The following TOP2A variants were observed in gnomAD, a reference collection of about 807,000 sequenced individuals.
TOP2A encodes the protein DNA topoisomerase 2-alpha.
TOP2A carries 68 observed loss-of-function variants against 187.2 expected under a neutral mutation model. That is an observed-to-expected ratio of 0.36 (90% CI 0.30 to 0.44). The LOEUF is 0.44. TOP2A is among the 20% of genes least tolerant of loss of function. TOP2A has a pLI of 1.00. For missense variants in TOP2A, 1,196 were observed against 1,808.7 expected (o/e 0.66, Z 6.14); for synonymous variants, 542 against 593.2 (o/e 0.91, Z 1.25).
rs774367508 is a variant in TOP2A, at chr17:40,407,991, A to G, written c.1476T>C (p.Asn492=). The change falls in exon 12 of 35, where the codon AAT becomes AAC. Residue 492 remains asparagine (N), a synonymous_variant. Transcript: ENST00000423485. ...GVFPLRGKIL[N]VREASHKQIM... ...CCTGCTTATGAGAAGCTTCTCGAACATTGAGTATTTTTCCTCTAAGAGGGA... is the reference window on the plus strand; with the variant it reads ...CCTGCTTATGAGAAGCTTCTCGAACGTTGAGTATTTTTCCTCTAAGAGGGA... 3.7e-6 allele frequency: 6 copies of G among 1,612,784 alleles called. No homozygotes were observed. The African/African-American group carries it at 8.0e-5, about 22-fold the overall frequency.
At chr17:40,402,758 G>C (rs1425248800) in intron 20 of TOP2A, 148 bp downstream of exon 20, 2 of 710,132 alleles carry the variant, frequency 2.8e-6, no homozygotes, top group Non-Finnish European at 4.5e-6. Context: ...TTATGGGGGG[G>C]CTTTCCTGTA....
intron 6 of TOP2A, 73 bp downstream of exon 6, chr17:40,413,122 A>G: frequency 7.5e-7 from 1 of 1,325,922 alleles, no homozygotes; most frequent in African/African-American, 1.5e-5. Context: ...AAATTAAACC[A>G]ATCATTAATG....
In TOP2A at chr17:40,391,325, G is replaced by A. The variant is rs116693561; in HGVS notation, c.4267+181C>T. On this transcript the variant is annotated intron_variant, in intron 33 of 34. Transcript: ENST00000423485. ...GAACAATCAATAGAGATAACTTACT[G>A]TTTTGGAACAGCCTTGACTACTAAT... 1,401 of 598,104 alleles carry A rather than the reference G, an allele frequency of 2.3e-3. 11 individuals are homozygous for A. Among genetic ancestry groups the A allele is most frequent in the African/African-American group, 0.023 (1,206 of 52,604 alleles). The allele number at this position is 598,104 out of a possible 1,614,324, so 37.0% of individuals were successfully genotyped here. A position where few individuals can be genotyped will look rare whatever the true frequency, so the allele number is the denominator to read the frequency against.
chr17:40,395,370 A>G, intron 29 of TOP2A, 79 bp downstream of exon 29: 1 of 824,280 alleles, frequency 1.2e-6, no homozygotes, highest in Non-Finnish European at 1.8e-6. Flanking sequence ...AAGGTTTTGA[A>G]CATCTATGTG....
At chr17:40,413,670 G>T (rs1275759490) in intron 4 of TOP2A, 45 bp from the exon 5 acceptor site, 1 of 942,756 alleles carries the variant, frequency 1.1e-6, no homozygotes. Flanking sequence ...CACATTAAAC[G>T]AATGCTTAAC....
At chr17:40,408,714 AC>A (rs2035278861) in intron 10 of TOP2A, 84 bp from the exon 11 acceptor site, 2 of 1,388,304 alleles carry the variant, frequency 1.4e-6, no homozygotes, top group East Asian at 4.6e-5. Flanking sequence ...GAGCCTTAAT[AC>A]AAATAAAAAT....
chr17:40,395,582 GA>G, intron 28 of TOP2A, 43 bp from the exon 29 acceptor site: 5 of 1,383,064 alleles, frequency 3.6e-6, no homozygotes, highest in African/African-American at 1.4e-5. Context: ...AATAAATTCT[GA>G]ACTATGGGAT....
chr17:40,409,432 C>T (rs1301988262), intron 10 of TOP2A: 3 of 442,230 alleles, frequency 6.8e-6, no homozygotes, highest in Non-Finnish European at 1.4e-5. Context: ...CAAATTGAGA[C>T]ACTTGTCCTC....
At position 40,416,818 on chromosome 17, in the gene TOP2A, G is replaced by A; in HGVS notation, c.99C>T (p.Ile33=). The part of the protein sequence containing the change: ...DAKKRLSVER[I]YQKKTQLEHI... ...GTTCCAATTGTGTTTTCTTTTGATA[G>A]ATTCTTTCAACAGACAGTCTTTTCT... The change falls in exon 2 of 35, where the codon ATC becomes ATT. Residue 33 remains isoleucine (I), a synonymous_variant. Transcript: ENST00000423485. The A allele has an allele frequency of 6.2e-7, 1 of 1,613,074 alleles. No homozygotes were observed. The highest frequency in any genetic ancestry group is 1.1e-5 in the South Asian group (1 of 90,838).
At chr17:40,414,070 T>C (rs1349022608) in intron 4 of TOP2A, among the ~76,000 whole-genome samples, 3 of 152,158 alleles carry the variant, frequency 2.0e-5, no homozygotes, top group African/African-American at 7.2e-5. Flanking sequence ...AAAAAAACCT[T>C]TTCCAACACC....
intron 19 of TOP2A, 95 bp from the exon 20 acceptor site, chr17:40,403,149 T>G: frequency 8.2e-7 from 1 of 1,217,356 alleles, no homozygotes; most frequent in Admixed American, 2.6e-5. Flanking sequence ...TTTTGTGAGG[T>G]CTAGTTGTTT....
In TOP2A at chr17:40,400,876, T is replaced by C; in HGVS notation, c.2638A>G (p.Met880Val). ...ATTGGCAAAGGTTCTTCTCCATCCA[T>C]CAAACGCCTGATGTTATTTACAATT... ...REIVNNIRRL[M>V]DGEEPLPMLP... is the part of the protein sequence containing the mutation. The change falls in exon 21 of 35, where the codon ATG (methionine) becomes GTG (valine). Residue 880 changes from methionine to valine, a missense_variant. Transcript: ENST00000423485. 3.7e-6 allele frequency: 6 copies of C among 1,613,958 alleles called. No individual in the cohort carries two copies. The highest frequency in any genetic ancestry group is 5.1e-6 in the Non-Finnish European group (6 of 1,179,874).
At position 40,400,202 on chromosome 17, in the gene TOP2A, T is replaced by TA. The variant is rs1412619298; in HGVS notation, c.3000+6dup. ...AAACGTGTACATCTCACAAAACAAATACATACCATAGAGTTGCATGTGAGA... is the reference window on the plus strand; with the variant it reads ...AAACGTGTACATCTCACAAAACAAATAACATACCATAGAGTTGCATGTGAGA... On this transcript the variant is annotated splice_region_variant and intron_variant, in intron 23 of 34. Coordinates refer to ENST00000423485, the MANE Select transcript of TOP2A (RefSeq NM_001067.4). 1.2e-6 allele frequency: 2 copies of TA among 1,612,878 alleles called. No individual in the cohort carries two copies. The highest frequency in any genetic ancestry group is 2.2e-5 in the South Asian group (2 of 91,048).
chr17:40,404,335 T>C, intron 18 of TOP2A, 42 bp downstream of exon 18: 1 of 1,607,740 alleles, frequency 6.2e-7, no homozygotes, highest in South Asian at 1.1e-5. Flanking sequence ...GGAATTTGAT[T>C]TCCATCTTAC....
intron 13 of TOP2A, 103 bp downstream of exon 13, chr17:40,407,446 G>A (rs2035263703): frequency 1.1e-6 from 1 of 900,158 alleles, no homozygotes; most frequent in Non-Finnish European, 1.6e-6. Context: ...GATGAATAAA[G>A]CTCCTATTTA....
At chr17:40,397,685 T>C (rs1000128067) in intron 27 of TOP2A, among the ~76,000 whole-genome samples, 4 of 152,146 alleles carry the variant, frequency 2.6e-5, no homozygotes, top group Admixed American at 1.3e-4. Flanking sequence ...CTTCCCTTTA[T>C]CAAAAATCAA....
rs1170823026 is a variant in TOP2A at position 40,390,164 on chromosome 17, C to T, written c.4268G>A (p.Ser1423Asn). ...ACCGGTAGTGGAGGTGGAAGACTGA[C>T]CTGCAATTCAATACAGGCATTTGTC... ...NVTVKKTAAK[S>N]QSSTSTTGAK... The change falls in exon 34 of 35, where the codon AGT (serine) becomes AAT (asparagine). Residue 1423 changes from serine to asparagine, a missense_variant and splice_region_variant. By Grantham distance (46) the Ser-to-Asn change is conservative (BLOSUM62 1). Around this residue, in one of 10 missense-constraint regions of TOP2A, gnomAD observed 374 missense variants for 403.3 expected, o/e 0.93. Transcript: ENST00000423485. 1 of 1,608,544 alleles carries T rather than the reference C, an allele frequency of 6.2e-7. No homozygotes were observed. Among genetic ancestry groups the T allele is most frequent in the Non-Finnish European group, 8.5e-7 (1 of 1,177,992 alleles).
At chr17:40,390,527 G>C (rs1057208734) in intron 33 of TOP2A, among the ~76,000 whole-genome samples, 1 of 151,682 alleles carries the variant, frequency 6.6e-6, no homozygotes, top group South Asian at 2.1e-4. Context: ...TTCTCATTGC[G>C]AACTTTCTTC....
intron 27 of TOP2A, 61 bp from the exon 28 acceptor site, chr17:40,396,526 C>T: frequency 6.4e-7 from 1 of 1,565,520 alleles, no homozygotes; most frequent in Non-Finnish European, 8.7e-7. Context: ...AATATCTAAA[C>T]ACCCAACAGT....
Sources: allele counts gnomAD v4.1 joint callset (sites outside exome capture counted in the v4.1 genomes callset), GRCh38; gene constraint gnomAD v4.1.1; regional missense constraint gnomAD v4.1.1; transcripts MANE v1.5; gene names NCBI Gene and HGNC (gene_info 2026-07-23, HGNC 2026-07-21).